Variants in ZNF385D observed in about 807,000 individuals in gnomAD.
ZNF385D encodes zinc finger protein 385D, also known as zinc finger protein 659.
Under a neutral mutation model 35.8 loss-of-function variants are expected in ZNF385D, and 15 were observed. The ratio of observed to expected loss-of-function variants is 0.42; its 90% CI spans 0.28 to 0.64. The LOEUF (loss-of-function observed/expected upper bound fraction) is 0.64. Ranked by LOEUF, ZNF385D falls within the 30% of genes least tolerant of loss-of-function variation. The pLI is 0.23. For missense variants in ZNF385D, 474 were observed against 494.6 expected (o/e 0.96, Z 0.39); for synonymous variants, 212 against 186.8 (o/e 1.13, Z -1.10).
rs573027706 is a variant in ZNF385D, at chr3:22,112,135, A to G, written c.325+56682T>C. The stretch of plus-strand genomic sequence containing the variant: ...ATAAATTAACATGTAAATGCAAGCA[A>G]AGTGTCAGTTTTTTAAAACTTAGGA... On this transcript the variant is annotated intron_variant, in intron 3 of 5. Transcript: ENST00000494108. 3.3e-5 allele frequency among the ~76,000 whole-genome samples: 5 copies of G among 152,280 alleles called. 1 individual carries two copies. Among genetic ancestry groups the G allele is most frequent in the African/African-American group, 1.2e-4 (5 of 41,582 alleles).
At chr3:21,565,854 T>C (rs2063127057) in intron 2 of ZNF385D, among the ~76,000 whole-genome samples, 1 of 152,178 alleles carries the variant, frequency 6.6e-6, no homozygotes, top group African/African-American at 2.4e-5. Context: ...CACTCAAAAG[T>C]GCTCAGAATG....
intron 3 of ZNF385D, among the ~76,000 whole-genome samples, chr3:21,923,989 G>A (rs1700602264): frequency 6.6e-6 from 1 of 152,126 alleles, no homozygotes; most frequent in African/African-American, 2.4e-5. Flanking sequence ...AGTAAAATGT[G>A]AATGCTGAAA....
intron 3 of ZNF385D, among the ~76,000 whole-genome samples, chr3:21,790,093 A>G (rs1008790850): frequency 5.3e-5 from 8 of 152,164 alleles, no homozygotes; most frequent in African/African-American, 1.9e-4. Flanking sequence ...AAACACACAC[A>G]TAACTATCTA....
rs1163124335 is a variant in ZNF385D at position 21,684,400 on chromosome 3, CTCTCCTCT to C, written c.23-19380_23-19373del. The stretch of plus-strand genomic sequence containing the variant: ...TCTCTCTCTCTCTCTCTCTCTCTCT[CTCTCCTCT>C]CTCTCTCTCTCTCTCTCTCTCTCCT... On this transcript the variant is annotated intron_variant, in intron 1 of 7. Coordinates refer to ENST00000281523, the MANE Select transcript of ZNF385D (RefSeq NM_024697.3). Among the ~76,000 whole-genome samples, 11 of 81,738 alleles carry C rather than the reference CTCTCCTCT, an allele frequency of 1.3e-4. No homozygotes were observed. In the South Asian group the frequency reaches 4.2e-3, roughly 31 times the overall value. The allele number at this position is 81,738 out of a possible 152,430, so 53.6% of individuals were successfully genotyped here.
At chr3:22,275,856 G>A (rs564140316) in intron 2 of ZNF385D, among the ~76,000 whole-genome samples, 18 of 152,186 alleles carry the variant, frequency 1.2e-4, no homozygotes, top group Admixed American at 8.5e-4. Flanking sequence ...AGGCTGAGGC[G>A]GGTGGATAAC....
chr3:21,897,538 T>C (rs866117766), intron 3 of ZNF385D, among the ~76,000 whole-genome samples: 5 of 152,238 alleles, frequency 3.3e-5, no homozygotes, highest in Middle Eastern at 3.4e-3. Context: ...TTATATAGGG[T>C]GTGCTGATTG....
At chr3:22,354,895 C>T (rs1395689214) in intron 2 of ZNF385D, among the ~76,000 whole-genome samples, 1 of 152,012 alleles carries the variant, frequency 6.6e-6, no homozygotes, top group Non-Finnish European at 1.5e-5. Flanking sequence ...ATTTCAAATG[C>T]TCAATAGCCA....
At chr3:22,180,113 C>T (rs1695131219) in intron 2 of ZNF385D, among the ~76,000 whole-genome samples, 1 of 152,084 alleles carries the variant, frequency 6.6e-6, no homozygotes, top group African/African-American at 2.4e-5. Context: ...ATATAACCAC[C>T]TATCCCACAG....
intron 4 of ZNF385D, among the ~76,000 whole-genome samples, chr3:21,478,005 T>A (rs1379585884): frequency 6.6e-6 from 1 of 152,154 alleles, no homozygotes; most frequent in Non-Finnish European, 1.5e-5. Context: ...GGAATGTGCA[T>A]TAAAATGTCC....
At chr3:22,013,769 C>T (rs960697871) in intron 3 of ZNF385D, among the ~76,000 whole-genome samples, 1 of 152,104 alleles carries the variant, frequency 6.6e-6, no homozygotes, top group East Asian at 1.9e-4. Flanking sequence ...TGAAGCTCAT[C>T]AGGGAGCATC....
At chr3:21,764,682 A>G (rs562765415) in intron 3 of ZNF385D, among the ~76,000 whole-genome samples, 49 of 152,312 alleles carry the variant, frequency 3.2e-4, no homozygotes, top group African/African-American at 1.1e-3. Flanking sequence ...AATGAAAACT[A>G]AACAGTTGAG....
intron 3 of ZNF385D, among the ~76,000 whole-genome samples, chr3:21,988,874 C>A (rs1166911746): frequency 1.4e-5 from 2 of 138,260 alleles, no homozygotes; most frequent in African/African-American, 5.2e-5. Context: ...TCTCGTGGTG[C>A]GCCGTTTTTT....
At position 22,259,884 on chromosome 3, in the gene ZNF385D, C is replaced by A. The variant is rs372481716; in HGVS notation, c.107-90849G>T. Among the ~76,000 whole-genome samples the A allele has an allele frequency of 2.0e-5, 3 of 151,786 alleles. No homozygotes were observed. The East Asian group carries it at 5.9e-4, about 30-fold the overall frequency. ...TTGGTTTTATTCCAAAAATAGTTCC[C>A]CCTCTCAGACTCTCTGAAAGAGACC... On this transcript the variant is annotated intron_variant, in intron 2 of 5. Coordinates refer to the ZNF385D transcript ENST00000494108.
chr3:22,306,632 T>A lies in ZNF385D; in HGVS notation c.106+65818A>T, dbSNP rs557535380. The stretch of plus-strand genomic sequence containing the variant: ...TCGCTGTAGCCAGGTGAGGGAGGAT[T>A]TGAATGAGAGGGAAATACTCGCTAT... On this transcript the variant is annotated intron_variant, in intron 2 of 5. Coordinates refer to the ZNF385D transcript ENST00000494108. Among the ~76,000 whole-genome samples the A allele has an allele frequency of 9.2e-5, 14 of 152,110 alleles. No homozygotes were observed. The South Asian group carries it at 2.7e-3, about 29-fold the overall frequency.
intron 1 of ZNF385D, among the ~76,000 whole-genome samples, chr3:21,726,113 G>A (rs942440611): frequency 6.6e-6 from 1 of 151,968 alleles, no homozygotes; most frequent in Non-Finnish European, 1.5e-5. Context: ...GAAGGCCTTC[G>A]ACAAAATTCA....
chr3:22,066,356 G>A (rs1226503602), intron 3 of ZNF385D, among the ~76,000 whole-genome samples: 2 of 150,442 alleles, frequency 1.3e-5, no homozygotes, highest in Non-Finnish European at 3.0e-5. Context: ...TGGGCGAGAT[G>A]GTTCCCTGTG....
chr3:21,631,596 G>T (rs2065283531), intron 2 of ZNF385D, among the ~76,000 whole-genome samples: 1 of 151,952 alleles, frequency 6.6e-6, no homozygotes, highest in Admixed American at 6.6e-5. Context: ...ATGTATAATG[G>T]CACACACATT....
At chr3:22,225,880 A>G (rs1698523351) in intron 2 of ZNF385D, among the ~76,000 whole-genome samples, 1 of 152,218 alleles carries the variant, frequency 6.6e-6, no homozygotes, top group African/African-American at 2.4e-5. Flanking sequence ...CAGTAATACT[A>G]CATTCAGTGT....
chr3:21,512,022 C>T (rs1707251214), intron 3 of ZNF385D, among the ~76,000 whole-genome samples: 1 of 150,898 alleles, frequency 6.6e-6, no homozygotes, highest in Admixed American at 6.6e-5. Context: ...TGGCACACAC[C>T]TATAGTCCCA....
Sources: gnomAD v4.1 joint callset for allele counts (sites outside exome capture counted in the v4.1 genomes callset) on GRCh38, gnomAD v4.1.1 for gene constraint, MANE v1.5 for transcripts, NCBI Gene and HGNC (gene_info 2026-07-23, HGNC 2026-07-21) for gene names.